FUS: variants seen among roughly 807,000 people sequenced by gnomAD.
The protein encoded by FUS is RNA-binding protein FUS.
In FUS, 5 loss-of-function variants were observed where a neutral mutation model predicts 82.7. The observed-to-expected ratio is 0.06, with a 90% CI of 0.03 to 0.13. The LOEUF is 0.13. FUS is among the 10% of genes least tolerant of loss of function. The pLI, the probability that FUS is intolerant of heterozygous loss-of-function variation, is 1.00. For missense variants in FUS, 512 were observed against 707.8 expected (o/e 0.72, Z 3.14); for synonymous variants, 281 against 247.4 (o/e 1.14, Z -1.27).
chr16:31,184,935 A>C lies in FUS; in HGVS notation c.524-4A>C. ...TTTTTTAATCATTCTTTCTTTTCTC[A>C]CAGGTAACTATGGCCAAGATCAATC... is the stretch of plus-strand genomic sequence containing the variant. On this transcript the variant is annotated splice_region_variant and splice_polypyrimidine_tract_variant and intron_variant, in intron 5 of 14. Transcript: ENST00000254108. 1.2e-6 allele frequency: 2 copies of C among 1,609,598 alleles called. No individual in the cohort carries two copies. The highest frequency in any genetic ancestry group is 1.7e-6 in the Non-Finnish European group (2 of 1,178,828).
chr16:31,191,893 T>A (rs775198984), downstream of FUS: 1 of 538,994 alleles, frequency 1.9e-6, no homozygotes, highest in Non-Finnish European at 3.6e-6. Context: ...TGGTCTTAGT[T>A]TATTTGCAGC....
intron 11 of FUS, 63 bp downstream of exon 11, chr16:31,190,204 C>G (rs1376669427): frequency 2.5e-6 from 4 of 1,613,718 alleles, no homozygotes; most frequent in Admixed American, 1.7e-5. Flanking sequence ...ATGGTAAAGG[C>G]TTGCATGGAA....
chr16:31,181,444 C>T (rs2079176449), intron 1 of FUS, among the ~76,000 whole-genome samples: 1 of 152,152 alleles, frequency 6.6e-6, no homozygotes, highest in African/African-American at 2.4e-5. Context: ...CATCTGGAGT[C>T]CCAGGGCTGG....
intron 7 of FUS, chr16:31,187,658 A>G (rs1363861843): frequency 2.1e-5 from 5 of 233,084 alleles, no homozygotes; most frequent in Admixed American, 5.6e-5. Context: ...GTGTGGGTAC[A>G]ATATTTATAT....
chr16:31,191,887 C>T (rs1187957595), downstream of FUS: 10 of 540,038 alleles, frequency 1.9e-5, no homozygotes, highest in Admixed American at 2.2e-4. Context: ...GCATACTGGT[C>T]TTAGTTTATT....
intron 10 of FUS, 114 bp downstream of exon 10, chr16:31,189,908 G>A (rs2079327523): frequency 4.4e-6 from 7 of 1,586,968 alleles, no homozygotes; most frequent in East Asian, 2.2e-5. Flanking sequence ...CTTTAGCTGC[G>A]GTTTCAGGTA....
chr16:31,180,626 C>T (rs1407517416), intron 1 of FUS, among the ~76,000 whole-genome samples: 3 of 152,320 alleles, frequency 2.0e-5, no homozygotes, highest in Admixed American at 6.5e-5. Context: ...GCTCTGCGGG[C>T]CCCTCCCCCT....
chr16:31,194,199 T>A (rs778329011), downstream of FUS: 1 of 530,582 alleles, frequency 1.9e-6, no homozygotes, highest in South Asian at 1.5e-5. Flanking sequence ...GTGGGTAGAT[T>A]GACCAGGAAT....
In FUS at chr16:31,184,931, T is replaced by C. The variant is rs780595908; in HGVS notation, c.524-8T>C. 1.2e-6 allele frequency: 2 copies of C among 1,613,458 alleles called. No individual in the cohort carries two copies. The highest frequency in any genetic ancestry group is 2.2e-5 in the South Asian group (2 of 91,058). On this transcript the variant is annotated splice_region_variant and splice_polypyrimidine_tract_variant and intron_variant, in intron 5 of 14. Coordinates refer to ENST00000254108, the MANE Select transcript of FUS (RefSeq NM_004960.4). ...TTTTTTTTTTAATCATTCTTTCTTT[T>C]CTCACAGGTAACTATGGCCAAGATC...
At position 31,190,292 on chromosome 16, in the gene FUS, G is replaced by A. The variant is rs1445135308; in HGVS notation, c.1186G>A (p.Gly396Ser). Residue 396 changes from glycine (G) to serine (S), a missense_variant, in exon 12 of 15, where the codon GGC (glycine) becomes AGC (serine). Gly to Ser is a moderately conservative substitution (Grantham distance 56). This residue lies in a region of FUS where 63 missense variants were observed against 83.0 expected (regional missense o/e 0.76). Coordinates refer to ENST00000254108, the MANE Select transcript of FUS (RefSeq NM_004960.4). ...TGCATTAGGACCCATGGGCCGTGGAGGCTATGGAGGTGGTGGCAGTGGTGG... is the reference window on the plus strand; with the variant it reads ...TGCATTAGGACCCATGGGCCGTGGAAGCTATGGAGGTGGTGGCAGTGGTGG... ...RGRGGPMGRG[G>S]YGGGGSGGGG... 1.2e-6 allele frequency: 2 copies of A among 1,614,182 alleles called. No homozygotes were observed. The highest frequency in any genetic ancestry group is 1.7e-6 in the Non-Finnish European group (2 of 1,180,032).
In FUS at chr16:31,185,099, C is replaced by T. The variant is rs151073460; in HGVS notation, c.684C>T (p.Gly228=). The change falls in exon 6 of 15, where the codon GGC becomes GGT. Residue 228 remains glycine, a synonymous_variant. Transcript: ENST00000254108. ...RGGSGGGGGG[G]GGGYNRSSGG... is the part of the protein sequence containing the mutation. ...GCAGTGGTGGCGGCGGCGGCGGCGG[C>T]GGTGGTGGTTACAACCGCAGCAGTG... The T allele has an allele frequency of 4.0e-4, 636 of 1,601,782 alleles. 2 individuals are homozygous for T. The East Asian group carries it at 7.1e-3, about 18-fold the overall frequency.
chr16:31,185,588 TTGGTAA>T (rs1372632818), intron 6 of FUS: 1 of 523,986 alleles, frequency 1.9e-6, no homozygotes, highest in African/African-American at 1.9e-5. Flanking sequence ...CTCTAGGGAG[TTGGTAA>T]TGGTTAACCT....
rs1044386377 is a variant in FUS, at chr16:31,184,123, G to T, written c.336-86G>T. On this transcript the variant is annotated intron_variant, in intron 4 of 14. Transcript: ENST00000254108. ...ATTGGGGTAGGGGAGCCTGTGTTGGGTACAGAGAATGGACTCCACTAAAAG... is the reference window on the plus strand; with the variant it reads ...ATTGGGGTAGGGGAGCCTGTGTTGGTTACAGAGAATGGACTCCACTAAAAG... The T allele has an allele frequency of 3.7e-6, 6 of 1,613,200 alleles. No homozygotes were observed. The African/African-American group carries it at 5.3e-5, about 14-fold the overall frequency.
At chr16:31,183,612 G>A in intron 3 of FUS, 1 of 522,650 alleles carries the variant, frequency 1.9e-6, no homozygotes, top group African/African-American at 1.9e-5. Flanking sequence ...TTTAGAGGGT[G>A]GTGCTGGAGA....
chr16:31,181,692 T>G (rs905043450), intron 1 of FUS, among the ~76,000 whole-genome samples: 1 of 152,204 alleles, frequency 6.6e-6, no homozygotes, highest in African/African-American at 2.4e-5. Flanking sequence ...TGTGCCACTT[T>G]GGTAGTTCTG....
chr16:31,180,404 T>C (rs1233395585), intron 1 of FUS, among the ~76,000 whole-genome samples, 177 bp downstream of exon 1: 2 of 151,524 alleles, frequency 1.3e-5, no homozygotes, highest in Non-Finnish European at 2.9e-5. Context: ...TTTGTTTCGC[T>C]CCTCTGGCCC....
At chr16:31,191,187 T>C in intron 14 of FUS, 77 bp downstream of exon 14, 5 of 1,578,184 alleles carry the variant, frequency 3.2e-6, no homozygotes, top group Non-Finnish European at 4.3e-6. Context: ...GTTGAGAAAG[T>C]GGTTTCATTT....
intron 4 of FUS, 93 bp from the exon 5 acceptor site, chr16:31,184,116 G>C: frequency 6.2e-7 from 1 of 1,613,150 alleles, no homozygotes; most frequent in Non-Finnish European, 8.5e-7. Context: ...AGGGGAGCCT[G>C]TGTTGGGTAC....
At chr16:31,189,273 G>A (rs2079316670) in intron 9 of FUS, 47 bp downstream of exon 9, 1 of 1,353,312 alleles carries the variant, frequency 7.4e-7, no homozygotes, top group Non-Finnish European at 1.1e-6. Context: ...TTGTAGGCTT[G>A]TGGATTTCAC....
Sources: allele counts gnomAD v4.1 joint callset (sites outside exome capture counted in the v4.1 genomes callset), GRCh38; gene constraint gnomAD v4.1.1; regional missense constraint gnomAD v4.1.1; transcripts MANE v1.5; gene names NCBI Gene and HGNC (gene_info 2026-07-23, HGNC 2026-07-21).